VPS13B: variants seen among roughly 807,000 people sequenced by gnomAD.
VPS13B encodes the protein vacuolar protein sorting 13 homolog B, also known as intermembrane lipid transfer protein VPS13B.
In VPS13B, 285 loss-of-function variants were observed where a neutral mutation model predicts 426.4. That is an observed-to-expected ratio of 0.67 (90% CI 0.61 to 0.74). VPS13B has a LOEUF of 0.74. Among genes scored for constraint, VPS13B ranks in the 30% least tolerant of loss-of-function variants. The pLI is 0.00. For synonymous variants in VPS13B, 1,676 were observed against 1,676.4 expected (o/e 1.00, Z 0.01); for missense variants, 4,537 against 4,782.6 (o/e 0.95, Z 1.51).
intron 29 of VPS13B, among the ~76,000 whole-genome samples, chr8:99,514,554 CTTACT>C (rs1821958051): frequency 6.6e-6 from 1 of 152,176 alleles, no homozygotes; most frequent in African/African-American, 2.4e-5. Flanking sequence ...TTGTGTCTGT[CTTACT>C]TTACTTAGCA....
At chr8:99,365,202 T>C (rs1218095978) in intron 19 of VPS13B, among the ~76,000 whole-genome samples, 1 of 151,712 alleles carries the variant, frequency 6.6e-6, no homozygotes, top group Non-Finnish European at 1.5e-5. Context: ...GTCAATTTTG[T>C]TTACCTTTTC....
In VPS13B at chr8:99,384,322, G is replaced by C; in HGVS notation, c.2934+5G>C. ...ACAAGTAGACATATGCAACAGGTAA[G>C]AGATTTTTAAATAATTTTTTCTGTT... On this transcript the variant is annotated splice_donor_5th_base_variant and intron_variant, in intron 20 of 61. Transcript: ENST00000357162. 1 of 1,607,342 alleles carries C rather than the reference G, an allele frequency of 6.2e-7. No individual in the cohort carries two copies.
intron 8 of VPS13B, among the ~76,000 whole-genome samples, chr8:99,134,157 A>G (rs890940888): frequency 2.0e-5 from 3 of 152,150 alleles, no homozygotes; most frequent in African/African-American, 7.2e-5. Context: ...GCTTGATTCT[A>G]TTTCCTTCAT....
chr8:99,818,605 C>A, intron 46 of VPS13B, 71 bp downstream of exon 46: 1 of 1,603,036 alleles, frequency 6.2e-7, no homozygotes, highest in African/African-American at 1.3e-5. Flanking sequence ...AAATTAAGGT[C>A]AGAGTGACCC....
At chr8:99,416,262 G>A (rs542882935) in intron 21 of VPS13B, among the ~76,000 whole-genome samples, 8 of 152,006 alleles carry the variant, frequency 5.3e-5, no homozygotes, top group East Asian at 1.9e-4. Flanking sequence ...GGATGCCCCC[G>A]CCCCCCCACC....
At chr8:99,154,348 C>T (rs1447436812) in intron 14 of VPS13B, among the ~76,000 whole-genome samples, 1 of 152,000 alleles carries the variant, frequency 6.6e-6, no homozygotes, top group African/African-American at 2.4e-5. Context: ...AGTTGTTCCA[C>T]AGTTCTGAAA....
chr8:99,832,731 A>G (rs947892209), intron 52 of VPS13B, 79 bp downstream of exon 52: 22 of 1,460,344 alleles, frequency 1.5e-5, no homozygotes, highest in South Asian at 2.3e-5. Flanking sequence ...GAGAGATACA[A>G]TGGTCGCAGG....
At chr8:99,606,036 CAGGCGCATGCCACCAA>C (rs1827555502) in intron 33 of VPS13B, among the ~76,000 whole-genome samples, 1 of 152,122 alleles carries the variant, frequency 6.6e-6, no homozygotes, top group Non-Finnish European at 1.5e-5. Context: ...GCTGGGACTA[CAGGCGCATGCCACCAA>C]ACCTGGCTAA....
intron 29 of VPS13B, among the ~76,000 whole-genome samples, chr8:99,519,409 C>G (rs1372390575): frequency 6.6e-6 from 1 of 152,116 alleles, no homozygotes; most frequent in East Asian, 1.9e-4. Context: ...CCTCAGGGAT[C>G]TAGAACTAGA....
intron 3 of VPS13B, among the ~76,000 whole-genome samples, chr8:99,060,673 A>G (rs1844136003): frequency 6.6e-6 from 1 of 152,106 alleles, no homozygotes; most frequent in Non-Finnish European, 1.5e-5. Context: ...TAATCCTGAA[A>G]TTTATGGCAT....
At chr8:99,467,745 A>G in intron 24 of VPS13B, 111 bp downstream of exon 24, 1 of 1,168,924 alleles carries the variant, frequency 8.6e-7, no homozygotes, top group Non-Finnish European at 1.2e-6. Flanking sequence ...AATTATTTTT[A>G]ACTTGGCCAT....
intron 43 of VPS13B, among the ~76,000 whole-genome samples, chr8:99,801,590 G>T (rs1274293294): frequency 2.0e-5 from 3 of 152,070 alleles, no homozygotes; most frequent in Admixed American, 2.0e-4. Flanking sequence ...ATTTCAACAT[G>T]TCTTTCTTAT....
chr8:99,188,413 T>C (rs1265215121), intron 16 of VPS13B, among the ~76,000 whole-genome samples: 2 of 152,206 alleles, frequency 1.3e-5, no homozygotes, highest in Admixed American at 1.3e-4. Flanking sequence ...GTATCAGTAT[T>C]TAATTTTTTA....
chr8:99,028,847 TG>T (rs759684372), intron 2 of VPS13B, among the ~76,000 whole-genome samples: 457 of 842 alleles, frequency 0.54, 92 homozygotes, highest in Non-Finnish European at 0.58. Context: ...GGCGGGGGGC[TG>T]ACCCCTTAAG....
At chr8:99,302,735 C>T (rs1341499042) in intron 19 of VPS13B, among the ~76,000 whole-genome samples, 3 of 152,076 alleles carry the variant, frequency 2.0e-5, no homozygotes. Context: ...TCTTGAACTC[C>T]TGACCTCAGG....
chr8:99,734,524 G>GGAGAT (rs1346499523), intron 39 of VPS13B, among the ~76,000 whole-genome samples: 1 of 152,194 alleles, frequency 6.6e-6, no homozygotes, highest in Non-Finnish European at 1.5e-5. Context: ...TGATATAATA[G>GGAGAT]GAGATGGGTG....
intron 34 of VPS13B, among the ~76,000 whole-genome samples, chr8:99,658,446 T>C (rs752064364): frequency 1.7e-4 from 26 of 152,192 alleles, no homozygotes; most frequent in Non-Finnish European, 2.8e-4. Context: ...TTGCTTTTTT[T>C]CCCCTGTTAA....
At chr8:99,313,453 G>T (rs1191410856) in intron 19 of VPS13B, among the ~76,000 whole-genome samples, 14 of 152,126 alleles carry the variant, frequency 9.2e-5, no homozygotes, top group African/African-American at 2.4e-5. Flanking sequence ...TGTTTGCCTG[G>T]GTATCAGCAG....
intron 19 of VPS13B, among the ~76,000 whole-genome samples, chr8:99,317,890 A>T (rs1380144914): frequency 6.6e-6 from 1 of 152,198 alleles, no homozygotes; most frequent in African/African-American, 2.4e-5. Flanking sequence ...TGCATGCACT[A>T]AGGTACTATA....
Sources: allele counts gnomAD v4.1 joint callset (sites outside exome capture counted in the v4.1 genomes callset), GRCh38; gene constraint gnomAD v4.1.1; transcripts MANE v1.5; gene names NCBI Gene and HGNC (gene_info 2026-07-23, HGNC 2026-07-21).